WDR33: variants seen among roughly 807,000 people sequenced by gnomAD.
The protein encoded by WDR33 is pre-mRNA 3' end processing protein WDR33.
In WDR33, 47 loss-of-function variants were observed where a neutral mutation model predicts 164.9. The observed-to-expected ratio is 0.29, with a 90% CI of 0.23 to 0.36. The LOEUF is 0.36. WDR33 is among the 10% of genes least tolerant of loss of function. The pLI is 1.00. For synonymous variants in WDR33, 505 were observed against 589.0 expected (o/e 0.86, Z 2.06); for missense variants, 1,137 against 1,754.1 (o/e 0.65, Z 6.28).
chr2:127,725,029 T>C (rs1345532214), intron 9 of WDR33, 32 bp downstream of exon 9: 2 of 1,614,128 alleles, frequency 1.2e-6, no homozygotes, highest in Middle Eastern at 1.6e-4. Context: ...CAGGTAACAG[T>C]GGTCAATGAG....
In WDR33 at chr2:127,705,264, G is replaced by A. The variant is rs1685984901; in HGVS notation, c.*1059C>T. On this transcript the variant is annotated 3_prime_UTR_variant, in exon 22 of 22. Transcript: ENST00000322313. The surrounding 1 kb of genome is among the most constrained non-coding windows in gnomAD (Gnocchi z 4.5). ...AGTATCATGGGGTATATAACAAACT[G>A]AATTTTTGGCTTCCAATCCAAACTG... The A allele has an allele frequency of 6.0e-6, 1 of 166,814 alleles. No homozygotes were observed. The highest frequency in any genetic ancestry group is 1.5e-5 in the Non-Finnish European group (1 of 68,106). The allele number at this position is 166,814 out of a possible 1,614,324, so 10.3% of individuals were successfully genotyped here.
intron 1 of WDR33, among the ~76,000 whole-genome samples, chr2:127,798,729 G>C (rs558215880): frequency 6.6e-6 from 1 of 152,030 alleles, no homozygotes; most frequent in South Asian, 2.1e-4. Context: ...AGTGTTATTA[G>C]AGATACGATG....
At chr2:127,800,636 C>CAAAAAAAAAAAAAAAAAACAAAAA (rs1689204545) in intron 1 of WDR33, among the ~76,000 whole-genome samples, 1 of 95,580 alleles carries the variant, frequency 1.0e-5, no homozygotes, top group Non-Finnish European at 2.2e-5. Flanking sequence ...GACTCCGTCT[C>CAAAAAAAAAAAAAAAAAACAAAAA]AAAAAAAAAA....
chr2:127,743,222 GA>G (rs1180530937), intron 7 of WDR33, among the ~76,000 whole-genome samples: 1 of 152,106 alleles, frequency 6.6e-6, no homozygotes, highest in Non-Finnish European at 1.5e-5. Flanking sequence ...TACTCAAATT[GA>G]AAAATTAAAA....
chr2:127,725,846 G>A (rs990687663), intron 8 of WDR33, among the ~76,000 whole-genome samples: 1 of 151,894 alleles, frequency 6.6e-6, no homozygotes, highest in South Asian at 2.1e-4. Flanking sequence ...CATGAACACA[G>A]AAATTAATAT....
At position 127,725,885 on chromosome 2, in the gene WDR33, T is replaced by G. The variant is rs549990327; in HGVS notation, c.852-670A>C. On this transcript the variant is annotated intron_variant, in intron 8 of 21. Coordinates refer to ENST00000322313, the MANE Select transcript of WDR33 (RefSeq NM_018383.5). ...ATAAAGCTCATTACATTTTGAAACT[T>G]CCATAAAGTTTCTCTAATTAAGACA... Among the ~76,000 whole-genome samples the G allele has an allele frequency of 2.6e-3, 392 of 152,174 alleles. 2 individuals carry two copies. Among genetic ancestry groups the G allele is most frequent in the Non-Finnish European group, 3.9e-3 (265 of 68,010 alleles).
rs938590370 is a variant in WDR33, at chr2:127,741,932, G to T, written c.725-15155C>A. On this transcript the variant is annotated intron_variant, in intron 7 of 21. Transcript: ENST00000322313. The surrounding 1 kb of genome is among the most constrained non-coding windows in gnomAD (Gnocchi z 4.1). ...ATAACACTTTCCGGCTGGGCACGGT[G>T]GCTCACACCTGTAATCCCAGCACTT... is the stretch of plus-strand genomic sequence containing the variant. Among the ~76,000 whole-genome samples, 1 of 152,194 alleles carries T rather than the reference G, an allele frequency of 6.6e-6. No individual in the cohort carries two copies. Among genetic ancestry groups the T allele is most frequent in the Admixed American group, 6.5e-5 (1 of 15,280 alleles).
rs768103395 is a variant in WDR33, at chr2:127,706,902, C to T, written c.3782-350G>A. 1.3e-4 allele frequency among the ~76,000 whole-genome samples: 20 copies of T among 152,320 alleles called. No individual in the cohort carries two copies. The highest frequency in any genetic ancestry group is 2.6e-4 in the Admixed American group (4 of 15,308). On this transcript the variant is annotated intron_variant, in intron 21 of 21. Transcript: ENST00000322313. This position sits in a 1 kb window ranked among gnomAD's most constrained non-coding sequence, Gnocchi z 5.1. ...AAGTGTATCTGCCTGCTCCCAGCCA[C>T]CAGGGTATATTGAGGGAAGGTTTGA...
At chr2:127,781,757 C>T (rs150665009) in intron 1 of WDR33, among the ~76,000 whole-genome samples, 4,656 of 150,160 alleles carry the variant, frequency 0.031, 104 homozygotes, top group Middle Eastern at 0.046. Flanking sequence ...CTAGCACTTC[C>T]GGAGGCCGAG....
In WDR33 at chr2:127,716,093, C is replaced by T. The variant is rs2105376934; in HGVS notation, c.2869+1062G>A. ...ACTCTCCTTTTGTTTCTCTAGTTCG[C>T]TGTGGGCCACGTTCCTTCTGTATAG... is the stretch of plus-strand genomic sequence containing the variant. On this transcript the variant is annotated intron_variant, in intron 17 of 21. Transcript: ENST00000322313. The surrounding 1 kb of genome is among the most constrained non-coding windows in gnomAD (Gnocchi z 4.5). 6.6e-6 allele frequency among the ~76,000 whole-genome samples: 1 copy of T among 152,272 alleles called. No homozygotes were observed. Among genetic ancestry groups the T allele is most frequent in the East Asian group, 1.9e-4 (1 of 5,176 alleles).
At chr2:127,772,959 CA>C (rs72149745) in intron 1 of WDR33, among the ~76,000 whole-genome samples, 4,410 of 117,114 alleles carry the variant, frequency 0.038, 84 homozygotes, top group Non-Finnish European at 0.049. Context: ...TCCATCTCTA[CA>C]AAAAAAAAAA....
At chr2:127,775,905 C>T (rs1031606712) in intron 1 of WDR33, among the ~76,000 whole-genome samples, 2 of 151,944 alleles carry the variant, frequency 1.3e-5, no homozygotes, top group African/African-American at 4.8e-5. Context: ...AACAAACATC[C>T]AGCCTAAAAT....
chr2:127,770,508 G>A lies in WDR33; in HGVS notation c.204+270C>T, dbSNP rs115624713. On this transcript the variant is annotated intron_variant, in intron 2 of 21. Transcript: ENST00000322313. This position sits in a 1 kb window ranked among gnomAD's most constrained non-coding sequence, Gnocchi z 4.9. ...AGTTTGAGACCAGCCTGGCCAACATGGTTGAAATTACGTCTCTACTAAAAC... is the reference window on the plus strand; with the variant it reads ...AGTTTGAGACCAGCCTGGCCAACATAGTTGAAATTACGTCTCTACTAAAAC... Among the ~76,000 whole-genome samples the A allele has an allele frequency of 0.011, 1,704 of 152,136 alleles. 27 individuals carry two copies. The highest frequency in any genetic ancestry group is 0.039 in the African/African-American group (1,598 of 41,500).
In WDR33 at chr2:127,763,295, A is replaced by G; in HGVS notation, c.627-136T>C. 2 of 1,479,936 alleles carry G rather than the reference A, an allele frequency of 1.4e-6. No homozygotes were observed. The highest frequency in any genetic ancestry group is 1.4e-5 in the African/African-American group (1 of 70,740). The allele number at this position is 1,479,936 out of a possible 1,614,324, so 91.7% of individuals were successfully genotyped here. A position where few individuals can be genotyped will look rare whatever the true frequency, so the allele number is the denominator to read the frequency against. ...GGAAGAATCCAGTGAAGAAGCCCTT[A>G]AAGTGAATGTCGTCAGCTAACATAG... is the stretch of plus-strand genomic sequence containing the variant. On this transcript the variant is annotated intron_variant, in intron 6 of 21. Coordinates refer to ENST00000322313, the MANE Select transcript of WDR33 (RefSeq NM_018383.5). This position sits in a 1 kb window ranked among gnomAD's most constrained non-coding sequence, Gnocchi z 4.5.
At chr2:127,794,348 A>T (rs992471574) in intron 1 of WDR33, among the ~76,000 whole-genome samples, 16 of 150,006 alleles carry the variant, frequency 1.1e-4, no homozygotes. Flanking sequence ...AAAAATACAA[A>T]AATTAGCTGG....
rs538237753 is a variant in WDR33, at chr2:127,800,979, T to C, written c.-24+10033A>G. Among the ~76,000 whole-genome samples, 20 of 152,034 alleles carry C rather than the reference T, an allele frequency of 1.3e-4. 1 individual carries two copies. In the South Asian group the frequency reaches 4.1e-3, roughly 32 times the overall value. ...ATTACTATTATTGGGCTGTAAAACT[T>C]TAGGATGGGCATAGTGGCTCATGCC... On this transcript the variant is annotated intron_variant, in intron 1 of 21. Transcript: ENST00000322313.
chr2:127,744,412 G>T (rs1282899186), intron 7 of WDR33, among the ~76,000 whole-genome samples: 1 of 152,180 alleles, frequency 6.6e-6, no homozygotes, highest in African/African-American at 2.4e-5. Context: ...AAAGACTGGG[G>T]TAGTAATGAT....
At chr2:127,762,605 G>GTA (rs1272955802) in intron 7 of WDR33, 8 of 987,850 alleles carry the variant, frequency 8.1e-6, no homozygotes, top group Non-Finnish European at 9.6e-6. Context: ...CAAATGTGGT[G>GTA]TACTGAAAAA....
chr2:127,739,153 TTC>T (rs1370133530), intron 7 of WDR33, among the ~76,000 whole-genome samples: 2 of 152,226 alleles, frequency 1.3e-5, no homozygotes, highest in African/African-American at 4.8e-5. Context: ...ATCTGCCATG[TTC>T]TTTTTCTTTA....
Sources: allele counts gnomAD v4.1 joint callset (sites outside exome capture counted in the v4.1 genomes callset), GRCh38; gene constraint gnomAD v4.1.1; non-coding constraint Gnocchi (gnomAD v3.1); transcripts MANE v1.5; gene names NCBI Gene and HGNC (gene_info 2026-07-23, HGNC 2026-07-21).